PPP6R2: variants seen among roughly 807,000 people sequenced by gnomAD.
PPP6R2 encodes the protein serine/threonine-protein phosphatase 6 regulatory subunit 2.
A neutral mutation model predicts 100.2 loss-of-function variants in PPP6R2; 62 were observed. That is an observed-to-expected ratio of 0.62 (90% CI 0.50 to 0.76). The LOEUF (loss-of-function observed/expected upper bound fraction) is 0.76. PPP6R2 is among the 30% of genes least tolerant of loss of function. PPP6R2 has a pLI of 0.00. For missense variants in PPP6R2, 1,142 were observed against 1,276.3 expected, an observed-to-expected ratio of 0.89 and a Z score of 1.60; for synonymous variants, 525 against 514.7, an observed-to-expected ratio of 1.02 and a Z score of -0.27.
At chr22:50,346,937 C>T (rs539652322) in intron 1 of PPP6R2, among the ~76,000 whole-genome samples, 69 of 151,890 alleles carry the variant, frequency 4.5e-4, no homozygotes, top group African/African-American at 1.6e-3. Context: ...TGCCAGTGCC[C>T]TTCCTTGTCA....
At chr22:50,440,559 C>T (rs2065343609) in intron 21 of PPP6R2, among the ~76,000 whole-genome samples, 1 of 152,202 alleles carries the variant, frequency 6.6e-6, no homozygotes, top group African/African-American at 2.4e-5. Context: ...GGAGTGGGCC[C>T]CTCCCTGAGC....
At chr22:50,359,434 G>A (rs781011226) in intron 1 of PPP6R2, among the ~76,000 whole-genome samples, 3 of 152,012 alleles carry the variant, frequency 2.0e-5, no homozygotes, top group Admixed American at 6.6e-5. Context: ...AGCCAGGATG[G>A]TCTCGATCTC....
the PPP6R2 span, among the ~76,000 whole-genome samples, chr22:50,336,308 A>T: frequency 2.0e-5 from 3 of 152,290 alleles, no homozygotes. Context: ...AACCAATTTT[A>T]ACCAAAAATA....
chr22:50,340,665 G>A (rs1478254120), upstream of PPP6R2, among the ~76,000 whole-genome samples: 2 of 151,596 alleles, frequency 1.3e-5, no homozygotes, highest in African/African-American at 2.4e-5. Flanking sequence ...ACAGGGAAGG[G>A]CACAGTGCAG....
intron 2 of PPP6R2, among the ~76,000 whole-genome samples, chr22:50,390,705 T>TA (rs1326030744): frequency 6.6e-6 from 1 of 151,214 alleles, no homozygotes; most frequent in East Asian, 1.9e-4. Flanking sequence ...GTCAACATAA[T>TA]AAAAGAAATT....
rs771419843 is a variant in PPP6R2 at position 50,394,080 on chromosome 22, G to A, written c.172G>A (p.Val58Met). Residue 58 changes from valine (V) to methionine (M), a missense_variant, in exon 3 of 24, where the codon GTG becomes ATG. Val to Met is a conservative substitution (Grantham distance 21, BLOSUM62 1). Around this residue, in one of 2 missense-constraint regions of PPP6R2, gnomAD observed 592 missense variants for 758.9 expected, o/e 0.78. Transcript: ENST00000612753. ...LCRQQCMEEL[V>M]SLITQDPPLD... ...CAGGCAGCAGTGCATGGAGGAGCTG[G>A]TGAGCCTCATCACACAGGATCCGCC... 1 of 1,614,196 alleles carries A rather than the reference G, an allele frequency of 6.2e-7. No individual in the cohort carries two copies. Among genetic ancestry groups the A allele is most frequent in the Non-Finnish European group, 8.5e-7 (1 of 1,180,044 alleles).
chr22:50,355,648 G>A (rs1034549929), intron 1 of PPP6R2, among the ~76,000 whole-genome samples: 1 of 151,350 alleles, frequency 6.6e-6, no homozygotes, highest in Non-Finnish European at 1.5e-5. Context: ...AGCCTCCTGA[G>A]TACCTGGGAC....
chr22:50,355,232 T>C (rs28497408), intron 1 of PPP6R2, among the ~76,000 whole-genome samples: 33,180 of 111,166 alleles, frequency 0.3, 3,935 homozygotes, highest in South Asian at 0.48. Flanking sequence ...CAGCCTTCTT[T>C]TTTTTTTTTT....
chr22:50,383,737 TAAAAAG>T (rs763864517), intron 2 of PPP6R2, among the ~76,000 whole-genome samples: 5 of 152,126 alleles, frequency 3.3e-5, no homozygotes, highest in Admixed American at 6.6e-5. Context: ...AAAATTAACT[TAAAAAG>T]GAAAAGGATG....
At chr22:50,364,051 C>T (rs1043104469) in intron 1 of PPP6R2, among the ~76,000 whole-genome samples, 7 of 152,148 alleles carry the variant, frequency 4.6e-5, no homozygotes, top group South Asian at 2.1e-4. Flanking sequence ...TGCACCACCA[C>T]GTCTGGCTAG....
intron 10 of PPP6R2, among the ~76,000 whole-genome samples, chr22:50,429,762 A>C (rs2062808083): frequency 6.6e-6 from 1 of 152,250 alleles, no homozygotes; most frequent in South Asian, 2.1e-4. Flanking sequence ...ATTTACCAGC[A>C]AAGCCATCTG....
At chr22:50,350,874 C>T (rs2044951218) in intron 1 of PPP6R2, among the ~76,000 whole-genome samples, 1 of 151,216 alleles carries the variant, frequency 6.6e-6, no homozygotes, top group African/African-American at 2.4e-5. Context: ...CTCCTTGATC[C>T]ATGGGCTGCA....
At position 50,414,672 on chromosome 22, in the gene PPP6R2, C is replaced by A; in HGVS notation, c.535C>A (p.Arg179=). 6.2e-7 allele frequency: 1 copy of A among 1,612,150 alleles called. No homozygotes were observed. The highest frequency in any genetic ancestry group is 1.1e-5 in the South Asian group (1 of 90,962). ...CAGCTGTGTGGAGCCAGCCGGGCTC[C>A]GGCAGGACGTCCTGCACGTGAGTGC... ...LVSCVEPAGL[R]QDVLHWLNEE... is the part of the protein sequence containing the mutation. The change falls in exon 5 of 24, where the codon CGG becomes AGG. Residue 179 remains arginine (R), a synonymous_variant. Transcript: ENST00000612753.
chr22:50,442,636 G>A (rs182690204), intron 22 of PPP6R2, among the ~76,000 whole-genome samples: 3,460 of 152,130 alleles, frequency 0.023, 47 homozygotes, highest in East Asian at 0.033. Flanking sequence ...TGCAACCTCC[G>A]CCTCCCGGGT....
At chr22:50,396,290 T>A (rs560078723) in intron 3 of PPP6R2, among the ~76,000 whole-genome samples, 60 of 147,704 alleles carry the variant, frequency 4.1e-4, no homozygotes, top group Admixed American at 3.6e-3. Context: ...AGGTCAGGAG[T>A]TCGAGACCAG....
At chr22:50,349,627 A>T (rs1190967077) in intron 1 of PPP6R2, among the ~76,000 whole-genome samples, 1 of 151,968 alleles carries the variant, frequency 6.6e-6, no homozygotes, top group South Asian at 2.1e-4. Context: ...GGAATTCGAG[A>T]CCAGCCTGGC....
At chr22:50,440,795 G>T (rs1164975303) in intron 21 of PPP6R2, 27 bp from the exon 22 acceptor site, 3 of 1,611,448 alleles carry the variant, frequency 1.9e-6, no homozygotes, top group Admixed American at 1.7e-5. Flanking sequence ...CTGCCTCACT[G>T]GACAGCACAG....
At chr22:50,346,921 C>T (rs1192533046) in intron 1 of PPP6R2, among the ~76,000 whole-genome samples, 1 of 151,662 alleles carries the variant, frequency 6.6e-6, no homozygotes, top group Non-Finnish European at 1.5e-5. Context: ...CGCATAATCC[C>T]TCCCCTGCCA....
At position 50,357,946 on chromosome 22, in the gene PPP6R2, A is replaced by T. The variant is rs546766909; in HGVS notation, c.-147-14074A>T. 8.3e-4 allele frequency among the ~76,000 whole-genome samples: 126 copies of T among 151,378 alleles called. 1 individual carries two copies. Among genetic ancestry groups the T allele is most frequent in the Non-Finnish European group, 8.0e-4 (54 of 67,862 alleles). On this transcript the variant is annotated intron_variant, in intron 1 of 23. Transcript: ENST00000612753. The stretch of plus-strand genomic sequence containing the variant: ...GCACCTGGCCCCTGGCTAATTTTTT[A>T]AATTTTTTAAATTTTAATTTCTTGA...
Sources: allele counts gnomAD v4.1 joint callset (sites outside exome capture counted in the v4.1 genomes callset), GRCh38; gene constraint gnomAD v4.1.1; regional missense constraint gnomAD v4.1.1; transcripts MANE v1.5; gene names NCBI Gene and HGNC (gene_info 2026-07-23, HGNC 2026-07-21).